Variants in STK32A observed in about 807,000 individuals in gnomAD.
STK32A encodes the protein serine/threonine kinase 32A.
STK32A carries 41 observed loss-of-function variants against 53.2 expected under a neutral mutation model. The observed-to-expected ratio is 0.77, with a 90% CI of 0.60 to 1.00. The LOEUF (loss-of-function observed/expected upper bound fraction) is 1.00. Ranked by LOEUF, STK32A falls within the 50% of genes least tolerant of loss-of-function variation. The pLI is 0.00. For synonymous variants in STK32A, 166 were observed against 162.8 expected, an observed-to-expected ratio of 1.02 and a Z score of -0.15; for missense variants, 458 against 485.8, an observed-to-expected ratio of 0.94 and a Z score of 0.54.
At chr5:147,373,041 T>C (rs1561754816) in intron 9 of STK32A, 128 bp from the exon 10 acceptor site, 6 of 1,114,166 alleles carry the variant, frequency 5.4e-6, no homozygotes, top group Non-Finnish European at 7.7e-6. Flanking sequence ...GTTTATGGGA[T>C]TAGGGATAGG....
In STK32A at chr5:147,385,179, C is replaced by T. The variant is rs1020743423; in HGVS notation, c.*1196C>T. Reference sequence around the variant, plus strand: ...CTTTTCAGGCAGAGTCTCACTCTGTCACCCAGGCTGGAGTGCAGTGGCATG... The same window carrying T: ...CTTTTCAGGCAGAGTCTCACTCTGTTACCCAGGCTGGAGTGCAGTGGCATG... On this transcript the variant is annotated 3_prime_UTR_variant, in exon 13 of 13. Coordinates refer to ENST00000397936, the MANE Select transcript of STK32A (RefSeq NM_001112724.2). 2.0e-5 allele frequency: 3 copies of T among 152,150 alleles called. No individual in the cohort carries two copies. Among genetic ancestry groups the T allele is most frequent in the Non-Finnish European group, 4.4e-5 (3 of 68,072 alleles). The allele number at this position is 152,150 out of a possible 1,614,324, so 9.4% of individuals were successfully genotyped here.
At chr5:147,241,101 T>C (rs1466872814) in intron 2 of STK32A, among the ~76,000 whole-genome samples, 1 of 151,792 alleles carries the variant, frequency 6.6e-6, no homozygotes, top group Non-Finnish European at 1.5e-5. Context: ...GAATTAGGAG[T>C]TTGTCATGAT....
intron 1 of STK32A, among the ~76,000 whole-genome samples, chr5:147,237,323 A>C (rs986854949): frequency 1.3e-5 from 2 of 152,082 alleles, no homozygotes; most frequent in African/African-American, 4.8e-5. Flanking sequence ...AAAAAAAAAA[A>C]ATTAATGTTC....
Position 147,358,697 on chromosome 5 carries a change from G to C in STK32A, c.563-2820G>C, listed in dbSNP as rs540244673. 7.2e-5 allele frequency among the ~76,000 whole-genome samples: 11 copies of C among 152,132 alleles called. No homozygotes were observed. The East Asian group carries it at 2.1e-3, about 29-fold the overall frequency. Reference sequence around the variant, plus strand: ...ACAAGGAATACGATTTGATTTAATAGGATTTAATTTAATGGAATTTAATAG... The same window carrying C: ...ACAAGGAATACGATTTGATTTAATACGATTTAATTTAATGGAATTTAATAG... On this transcript the variant is annotated intron_variant, in intron 7 of 12. Transcript: ENST00000397936.
At chr5:147,374,996 C>T (rs980879700) in intron 10 of STK32A, 94 bp from the exon 11 acceptor site, 20 of 1,180,806 alleles carry the variant, frequency 1.7e-5, no homozygotes, top group East Asian at 5.2e-5. Flanking sequence ...TGGACTGCTC[C>T]GTTAAGACTA....
rs564184724 is a variant in STK32A, at chr5:147,318,887, C to T, written c.261-5011C>T. 2.6e-5 allele frequency among the ~76,000 whole-genome samples: 4 copies of T among 152,156 alleles called. No homozygotes were observed. In the South Asian group the frequency reaches 6.2e-4, roughly 24 times the overall value. On this transcript the variant is annotated intron_variant, in intron 4 of 12. Transcript: ENST00000397936. ...TACCATCCAGGGTATACAAGATACC[C>T]ATTTCTCCATGTCCTTACCAACAGT...
the STK32A span, chr5:147,401,740 T>C: frequency 1.9e-6 from 3 of 1,610,072 alleles, no homozygotes; most frequent in Non-Finnish European, 2.5e-6. Context: ...ATAAAGTATA[T>C]GCTGCACTGG....
At chr5:147,241,842 G>T (rs1753595315) in intron 2 of STK32A, among the ~76,000 whole-genome samples, 1 of 152,148 alleles carries the variant, frequency 6.6e-6, no homozygotes, top group Admixed American at 6.6e-5. Context: ...GGTCGTCAGA[G>T]AATAGGGTGG....
At chr5:147,373,811 A>T (rs1043814216) in intron 10 of STK32A, among the ~76,000 whole-genome samples, 11 of 152,164 alleles carry the variant, frequency 7.2e-5, no homozygotes, top group African/African-American at 2.7e-4. Context: ...CATTGGATGG[A>T]TAGCCAAACC....
At chr5:147,258,522 C>T (rs543098342) in intron 2 of STK32A, among the ~76,000 whole-genome samples, 1 of 152,190 alleles carries the variant, frequency 6.6e-6, no homozygotes, top group South Asian at 2.1e-4. Context: ...TACATAAATT[C>T]CCTTTTAAAA....
At chr5:147,370,596 A>T (rs559431844) in intron 8 of STK32A, 58 bp from the exon 9 acceptor site, 26 of 1,077,962 alleles carry the variant, frequency 2.4e-5, no homozygotes, top group African/African-American at 1.8e-4. Context: ...ACATTTGGAA[A>T]TTTTTTTTTT....
chr5:147,376,990 G>T (rs980593098), intron 11 of STK32A, among the ~76,000 whole-genome samples: 8 of 152,074 alleles, frequency 5.3e-5, no homozygotes, highest in African/African-American at 1.9e-4. Flanking sequence ...TATGAATATA[G>T]ATGCAAAAAT....
chr5:147,393,558 C>G, the STK32A span: 1 of 163,074 alleles, frequency 6.1e-6, no homozygotes, highest in Non-Finnish European at 1.4e-5. Context: ...TATACAACAC[C>G]CCTTCCACTC....
intron 4 of STK32A, among the ~76,000 whole-genome samples, chr5:147,315,003 C>A (rs186736119): frequency 2.6e-5 from 4 of 152,112 alleles, no homozygotes; most frequent in Non-Finnish European, 4.4e-5. Context: ...CCTCAGCCCC[C>A]CAAAGTGCTG....
intron 7 of STK32A, among the ~76,000 whole-genome samples, chr5:147,354,289 G>C (rs944045379): frequency 1.3e-5 from 2 of 152,160 alleles, no homozygotes; most frequent in African/African-American, 4.8e-5. Context: ...TTATTCTCCA[G>C]GTTTCCTGGG....
intron 2 of STK32A, among the ~76,000 whole-genome samples, chr5:147,267,793 G>A (rs965729558): frequency 4.6e-5 from 7 of 151,982 alleles, no homozygotes; most frequent in African/African-American, 1.7e-4. Context: ...TCAGGGTTTG[G>A]GTCACTTTAA....
rs753880737 is a variant in STK32A at position 147,375,081 on chromosome 5, T to C, written c.904-9T>C. On this transcript the variant is annotated splice_polypyrimidine_tract_variant and intron_variant, in intron 10 of 12. Coordinates refer to ENST00000397936, the MANE Select transcript of STK32A (RefSeq NM_001112724.2). ...AATCTGAGGATTGAGCCAACTGTCT[T>C]CCTTGCAGAAAGGCAGGCTGAATTG... 6.3e-7 allele frequency: 1 copy of C among 1,598,148 alleles called. No individual in the cohort carries two copies. The highest frequency in any genetic ancestry group is 1.1e-5 in the South Asian group (1 of 87,330).
chr5:147,400,044 T>C, the STK32A span, among the ~76,000 whole-genome samples: 67,344 of 151,626 alleles, frequency 0.44, 15,307 homozygotes, highest in East Asian at 0.55. Context: ...ATACATAACT[T>C]TGATAAGAAT....
At chr5:147,285,570 T>C (rs1053783441) in intron 4 of STK32A, among the ~76,000 whole-genome samples, 1 of 152,112 alleles carries the variant, frequency 6.6e-6, no homozygotes, top group Non-Finnish European at 1.5e-5. Context: ...ATCCAGAATC[T>C]ACAATGAACT....
Sources: allele counts gnomAD v4.1 joint callset (sites outside exome capture counted in the v4.1 genomes callset), GRCh38; gene constraint gnomAD v4.1.1; transcripts MANE v1.5; gene names NCBI Gene and HGNC (gene_info 2026-07-23, HGNC 2026-07-21).